Variants in SNTG1 observed in about 807,000 individuals in gnomAD.
The protein encoded by SNTG1 is syntrophin gamma 1.
A neutral mutation model predicts 74.7 loss-of-function variants in SNTG1; 39 were observed. That is an observed-to-expected ratio of 0.52 (90% confidence interval 0.40 to 0.68). SNTG1 has a LOEUF of 0.68. SNTG1 is among the 30% of genes least tolerant of loss of function. The probability of loss-of-function intolerance (pLI) is 0.00; values close to 1 mark genes in which losing one functional copy is unlikely to be tolerated. For synonymous variants in SNTG1, 254 were observed against 217.1 expected, an observed-to-expected ratio of 1.17 and a Z score of -1.49; for missense variants, 685 against 609.5, an observed-to-expected ratio of 1.12 and a Z score of -1.30.
chr8:50,108,792 T>C (rs777984686), intron 1 of SNTG1, among the ~76,000 whole-genome samples: 7 of 152,172 alleles, frequency 4.6e-5, no homozygotes, highest in Non-Finnish European at 7.3e-5. Flanking sequence ...TGCTTGATTT[T>C]GAGTATATCC....
intron 13 of SNTG1, among the ~76,000 whole-genome samples, chr8:50,620,446 C>T (rs1200595650): frequency 1.3e-5 from 2 of 152,172 alleles, no homozygotes; most frequent in East Asian, 3.9e-4. Flanking sequence ...CCTTTGGCAC[C>T]TGTAGGAACA....
chr8:49,965,096 T>C (rs1267898987), intron 1 of SNTG1, among the ~76,000 whole-genome samples: 1 of 152,194 alleles, frequency 6.6e-6, no homozygotes, highest in Non-Finnish European at 1.5e-5. Context: ...AAATGTCTAG[T>C]ATGACGCTCT....
At position 50,714,775 on chromosome 8, in the gene SNTG1, G is replaced by C. The variant is rs192710130; in HGVS notation, c.1284+5797G>C. Among the ~76,000 whole-genome samples, 137 of 152,122 alleles carry C rather than the reference G, an allele frequency of 9.0e-4. 1 individual carries two copies. Among genetic ancestry groups the C allele is most frequent in the Middle Eastern group, 6.8e-3 (2 of 294 alleles). On this transcript the variant is annotated intron_variant, in intron 17 of 18. Coordinates refer to ENST00000642720, the MANE Select transcript of SNTG1 (RefSeq NM_018967.5). ...GATTGGGCCACATGATCAAGGTCCAGCACAGGCTCAACCACAATCTAATTT... is the reference window on the plus strand; with the variant it reads ...GATTGGGCCACATGATCAAGGTCCACCACAGGCTCAACCACAATCTAATTT...
intron 15 of SNTG1, among the ~76,000 whole-genome samples, chr8:50,666,858 AAAT>A (rs1328533482): frequency 6.6e-6 from 1 of 152,046 alleles, no homozygotes; most frequent in Admixed American, 6.6e-5. Flanking sequence ...CATCTTCAAT[AAAT>A]AATGTGTCAA....
chr8:50,526,235 C>G (rs946770795), intron 9 of SNTG1, among the ~76,000 whole-genome samples: 3 of 152,120 alleles, frequency 2.0e-5, no homozygotes, highest in Non-Finnish European at 2.9e-5. Context: ...TGCACCCAGT[C>G]AGTGACACAG....
At chr8:50,653,702 G>A (rs892345913) in intron 13 of SNTG1, among the ~76,000 whole-genome samples, 8 of 152,054 alleles carry the variant, frequency 5.3e-5, no homozygotes, top group African/African-American at 1.2e-4. Flanking sequence ...GAAAGATCAC[G>A]ACATTTGCTA....
chr8:50,442,680 T>TAAAAAAAAAAAAAAAAAAAAAAAAA (rs5891365), intron 5 of SNTG1, among the ~76,000 whole-genome samples: 1 of 81,194 alleles, frequency 1.2e-5, no homozygotes, highest in Non-Finnish European at 2.3e-5. Context: ...TGTCTATCAG[T>TAAAAAAAAAAAAAAAAAAAAAAAAA]AAAAAAAAAA....
At chr8:49,910,967 A>G (rs996034006), upstream of SNTG1, 1 of 152,114 alleles carries the variant, frequency 6.6e-6, no homozygotes, top group Non-Finnish European at 1.5e-5. Context: ...CAGCGCTGAC[A>G]CTCACAGGAG....
At chr8:50,499,838 C>T (rs1029071661) in intron 8 of SNTG1, among the ~76,000 whole-genome samples, 17 of 151,928 alleles carry the variant, frequency 1.1e-4, no homozygotes, top group Admixed American at 1.0e-3. Flanking sequence ...TTAAACCAAC[C>T]TTGTATTCCT....
chr8:50,610,316 A>G (rs185503121), intron 13 of SNTG1, among the ~76,000 whole-genome samples: 4 of 152,236 alleles, frequency 2.6e-5, no homozygotes, highest in East Asian at 1.9e-4. Context: ...GGATTCCACT[A>G]TCTACTGATC....
In SNTG1 at chr8:50,704,609, C is replaced by T. The variant is rs776045284; in HGVS notation, c.1048C>T (p.Leu350=). 26 of 1,613,998 alleles carry T rather than the reference C, an allele frequency of 1.6e-5. No individual in the cohort carries two copies. The highest frequency in any genetic ancestry group is 4.0e-5 in the African/African-American group (3 of 74,916). ...TCCAGGTTTTCACCAGGACAGTGAC[C>T]TGCTGGACCGACGGAAACAGTGCTT... ...IMCKILKDSD[L]LDRRKQCFTV... Residue 350 remains leucine (L), a synonymous_variant, in exon 16 of 19, where the codon CTG becomes TTG. Coordinates refer to ENST00000642720, the MANE Select transcript of SNTG1 (RefSeq NM_018967.5).
chr8:50,273,331 T>C (rs2087893542), intron 2 of SNTG1, among the ~76,000 whole-genome samples: 2 of 152,130 alleles, frequency 1.3e-5, no homozygotes, highest in South Asian at 4.1e-4. Context: ...CTGACAGAAG[T>C]CTGCACAAAA....
At chr8:50,356,114 G>T (rs2091809395) in intron 2 of SNTG1, among the ~76,000 whole-genome samples, 1 of 151,996 alleles carries the variant, frequency 6.6e-6, no homozygotes, top group South Asian at 2.1e-4. Context: ...CCATCCATGT[G>T]CAGTTTTAAC....
At chr8:50,637,968 C>T (rs1381184550) in intron 13 of SNTG1, among the ~76,000 whole-genome samples, 1 of 152,080 alleles carries the variant, frequency 6.6e-6, no homozygotes, top group Admixed American at 6.5e-5. Context: ...TATAACTTTG[C>T]TTTCAAAACA....
At chr8:50,690,140 T>G (rs918519676) in intron 15 of SNTG1, among the ~76,000 whole-genome samples, 1 of 152,196 alleles carries the variant, frequency 6.6e-6, no homozygotes, top group African/African-American at 2.4e-5. Flanking sequence ...CTTCTCTTTT[T>G]TCTTCTTTAT....
At chr8:50,503,967 TATCCTG>T (rs1386983830) in intron 9 of SNTG1, among the ~76,000 whole-genome samples, 2 of 152,218 alleles carry the variant, frequency 1.3e-5, no homozygotes, top group African/African-American at 4.8e-5. Context: ...ATTAGTTATT[TATCCTG>T]ATCCTGTCCC....
At chr8:50,528,619 TC>T (rs1379786878) in intron 9 of SNTG1, among the ~76,000 whole-genome samples, 2 of 151,848 alleles carry the variant, frequency 1.3e-5, no homozygotes, top group African/African-American at 2.4e-5. Flanking sequence ...GTCTCTTTCT[TC>T]TTTTGTAAAT....
At chr8:50,014,425 G>T (rs1192569492) in intron 1 of SNTG1, among the ~76,000 whole-genome samples, 5 of 97,266 alleles carry the variant, frequency 5.1e-5, no homozygotes, top group Admixed American at 1.1e-4. Context: ...GCCTGGCTGA[G>T]AATTTAAAAG....
At chr8:50,774,930 A>C (rs1316823579) in intron 18 of SNTG1, among the ~76,000 whole-genome samples, 1 of 151,062 alleles carries the variant, frequency 6.6e-6, no homozygotes, top group Admixed American at 6.6e-5. Context: ...TAATAAAATA[A>C]CTAATGATAA....
Sources: gnomAD v4.1 joint callset for allele counts (sites outside exome capture counted in the v4.1 genomes callset) on GRCh38, gnomAD v4.1.1 for gene constraint, MANE v1.5 for transcripts, NCBI Gene and HGNC (gene_info 2026-07-23, HGNC 2026-07-21) for gene names.